Variants in ATG10 observed in about 807,000 individuals in gnomAD.
The protein encoded by ATG10 is ubiquitin-like-conjugating enzyme ATG10.
A neutral mutation model predicts 32.1 loss-of-function variants in ATG10; 30 were observed. The observed-to-expected ratio is 0.94, with a 90% CI of 0.70 to 1.27. The LOEUF (loss-of-function observed/expected upper bound fraction) is 1.27. ATG10 is among the 50% of genes most tolerant of loss of function. The pLI is 0.00. For synonymous variants in ATG10, 87 were observed against 91.5 expected, an observed-to-expected ratio of 0.95 and a Z score of 0.28; for missense variants, 233 against 262.3, an observed-to-expected ratio of 0.89 and a Z score of 0.77.
At chr5:82,108,342 A>G (rs1344676054) in intron 3 of ATG10, among the ~76,000 whole-genome samples, 3 of 151,912 alleles carry the variant, frequency 2.0e-5, no homozygotes, top group African/African-American at 7.2e-5. Context: ...ATGCATACAT[A>G]TTTGTGTATC....
intron 3 of ATG10, among the ~76,000 whole-genome samples, chr5:82,081,288 A>G (rs938876518): frequency 1.3e-5 from 2 of 152,218 alleles, no homozygotes; most frequent in African/African-American, 4.8e-5. Context: ...TAAATATACA[A>G]TCATGTTATC....
At chr5:82,170,438 T>C (rs1743758874) in intron 4 of ATG10, among the ~76,000 whole-genome samples, 1 of 152,128 alleles carries the variant, frequency 6.6e-6, no homozygotes, top group African/African-American at 2.4e-5. Flanking sequence ...ATATGTTAGG[T>C]GCTGTTTTGA....
chr5:82,227,992 G>T (rs1326638833), intron 5 of ATG10, among the ~76,000 whole-genome samples: 1 of 152,102 alleles, frequency 6.6e-6, no homozygotes, highest in Non-Finnish European at 1.5e-5. Context: ...GATTGCTTGA[G>T]TCCAGGAGTT....
intron 5 of ATG10, among the ~76,000 whole-genome samples, chr5:82,226,237 C>T (rs902535642): frequency 4.6e-5 from 7 of 152,198 alleles, no homozygotes; most frequent in African/African-American, 1.7e-4. Context: ...CCCATATTAG[C>T]AGCTTGCTTT....
At chr5:82,084,238 G>C (rs1408836071) in intron 3 of ATG10, among the ~76,000 whole-genome samples, 2 of 152,316 alleles carry the variant, frequency 1.3e-5, no homozygotes, top group Non-Finnish European at 2.9e-5. Context: ...ATCAGTGATT[G>C]AAGATCAAAT....
intron 2 of ATG10, among the ~76,000 whole-genome samples, chr5:82,056,028 T>C (rs899988592): frequency 2.0e-5 from 3 of 152,180 alleles, no homozygotes; most frequent in Non-Finnish European, 4.4e-5. Context: ...ATGATGTTTG[T>C]ACAATGACAG....
At chr5:81,988,844 T>TAA (rs1761368065) in intron 2 of ATG10, among the ~76,000 whole-genome samples, 1 of 152,220 alleles carries the variant, frequency 6.6e-6, no homozygotes, top group Admixed American at 6.5e-5. Context: ...TGTTTTGTTT[T>TAA]GTTTTGAGAC....
In ATG10 at chr5:81,999,919, A is replaced by T. The variant is rs967468231; in HGVS notation, c.108+12241A>T. Among the ~76,000 whole-genome samples the T allele has an allele frequency of 3.3e-5, 5 of 152,218 alleles. No individual in the cohort carries two copies. In the East Asian group the frequency reaches 7.7e-4, roughly 23 times the overall value. ...CCAACCAGTAAAAGCCCAGGACCAG[A>T]TGGATTCACAGCTGAATTCTAGATG... On this transcript the variant is annotated intron_variant, in intron 2 of 7. Transcript: ENST00000282185.
At chr5:82,238,191 T>A (rs1746642694) in intron 5 of ATG10, among the ~76,000 whole-genome samples, 1 of 152,188 alleles carries the variant, frequency 6.6e-6, no homozygotes, top group South Asian at 2.1e-4. Context: ...GAGTGTCTCA[T>A]TTTTTGCTAG....
chr5:82,064,857 G>A (rs1763891959), intron 3 of ATG10, among the ~76,000 whole-genome samples: 1 of 152,108 alleles, frequency 6.6e-6, no homozygotes, highest in South Asian at 2.1e-4. Context: ...ACTGCACTAA[G>A]TGATTTGCAT....
chr5:81,996,932 A>G, intron 2 of ATG10, among the ~76,000 whole-genome samples: 1 of 152,252 alleles, frequency 6.6e-6, no homozygotes, highest in East Asian at 1.9e-4. Flanking sequence ...GAAGCATTCA[A>G]TATATCTTAA....
intron 2 of ATG10, among the ~76,000 whole-genome samples, chr5:82,028,374 G>A (rs1214039071): frequency 2.0e-5 from 3 of 152,136 alleles, no homozygotes; most frequent in East Asian, 1.9e-4. Context: ...AATATTGAAG[G>A]TGGTAAATTC....
At position 82,077,565 on chromosome 5, in the gene ATG10, TA is replaced by T. The variant is rs768795180; in HGVS notation, c.216+18969del. Among the ~76,000 whole-genome samples, 57 of 151,048 alleles carry T rather than the reference TA, an allele frequency of 3.8e-4. No homozygotes were observed. In the South Asian group the frequency reaches 4.6e-3, roughly 12 times the overall value. On this transcript the variant is annotated intron_variant, in intron 3 of 7. Transcript: ENST00000282185. ...AAAAGAGACTATGCTGAGCTCAGATTAAAAAATTTTTTTTTTTTCAGAACTC... is the reference window on the plus strand; with the variant it reads ...AAAAGAGACTATGCTGAGCTCAGATTAAAAATTTTTTTTTTTTCAGAACTC...
intron 5 of ATG10, among the ~76,000 whole-genome samples, chr5:82,184,618 T>C (rs1744376842): frequency 6.6e-6 from 1 of 152,186 alleles, no homozygotes; most frequent in Non-Finnish European, 1.5e-5. Context: ...GGGCCTTAGA[T>C]ACATTTACCT....
chr5:82,133,906 T>G (rs1163981137), intron 3 of ATG10, among the ~76,000 whole-genome samples: 1 of 151,768 alleles, frequency 6.6e-6, no homozygotes, highest in Non-Finnish European at 1.5e-5. Context: ...TGAGCAGTGG[T>G]TTGTAGTTCT....
At chr5:82,030,610 AC>A (rs747520342) in intron 2 of ATG10, among the ~76,000 whole-genome samples, 6 of 152,338 alleles carry the variant, frequency 3.9e-5, no homozygotes, top group Admixed American at 2.6e-4. Flanking sequence ...AGATAGTGAT[AC>A]CAGAAAATAA....
At chr5:82,005,173 G>GT (rs1761957970) in intron 2 of ATG10, among the ~76,000 whole-genome samples, 1 of 152,150 alleles carries the variant, frequency 6.6e-6, no homozygotes, top group Non-Finnish European at 1.5e-5. Flanking sequence ...TGGATGATGT[G>GT]TTTATGGGTT....
At chr5:82,140,365 G>T (rs1242591906) in intron 3 of ATG10, among the ~76,000 whole-genome samples, 3 of 6,174 alleles carry the variant, frequency 4.9e-4, no homozygotes, top group Admixed American at 2.5e-3. Flanking sequence ...CCGTCCGGGA[G>T]GGAGGTGGGG....
chr5:82,082,156 G>A (rs764753162), intron 3 of ATG10, among the ~76,000 whole-genome samples: 3 of 152,084 alleles, frequency 2.0e-5, no homozygotes, highest in Non-Finnish European at 2.9e-5. Flanking sequence ...AGATTTGGGG[G>A]GGGGGACACA....
Sources: gnomAD v4.1 joint callset for allele counts (sites outside exome capture counted in the v4.1 genomes callset) on GRCh38, gnomAD v4.1.1 for gene constraint, MANE v1.5 for transcripts, NCBI Gene and HGNC (gene_info 2026-07-23, HGNC 2026-07-21) for gene names.